Variants in ARNT2 observed in about 807,000 individuals in gnomAD.
The protein encoded by ARNT2 is ARNT protein 2.
In ARNT2, 36 loss-of-function variants were observed where a neutral mutation model predicts 91.7. The observed-to-expected ratio is 0.39, with a 90% CI of 0.30 to 0.52. The LOEUF (loss-of-function observed/expected upper bound fraction) is 0.52. ARNT2 is among the 20% of genes least tolerant of loss of function. The pLI is 0.72. For synonymous variants in ARNT2, 365 were observed against 347.1 expected, an observed-to-expected ratio of 1.05 and a Z score of -0.57; for missense variants, 775 against 939.3, an observed-to-expected ratio of 0.83 and a Z score of 2.29.
chr15:80,597,515 A>T lies in ARNT2; in HGVS notation c.*3817A>T. The T allele has an allele frequency of 3.2e-6, 1 of 316,468 alleles. No homozygotes were observed. Among genetic ancestry groups the T allele is most frequent in the South Asian group, 2.6e-5 (1 of 38,644 alleles). 19.6% of individuals were successfully genotyped at this position (316,468 alleles called of 1,614,324 possible). On this transcript the variant is annotated 3_prime_UTR_variant, in exon 19 of 19. Coordinates refer to ENST00000303329, the MANE Select transcript of ARNT2 (RefSeq NM_014862.4). ...ATCTGGAGTCTGGGGCAACTTAAGG[A>T]GGCACCACACAGTGGTGCAGGCACA...
intron 17 of ARNT2, among the ~76,000 whole-genome samples, chr15:80,583,967 G>A (rs151038607): frequency 5.9e-5 from 9 of 152,342 alleles, no homozygotes; most frequent in Admixed American, 2.6e-4. Context: ...AGAAATGAAG[G>A]ACTGAGAAGT....
intron 5 of ARNT2, among the ~76,000 whole-genome samples, chr15:80,485,566 AAAC>A (rs1481706112): frequency 2.0e-5 from 3 of 152,332 alleles, no homozygotes; most frequent in Admixed American, 6.5e-5. Flanking sequence ...CAACAAGAAC[AAAC>A]AATACAGAAT....
At chr15:80,560,800 G>A (rs576727021) in intron 11 of ARNT2, among the ~76,000 whole-genome samples, 16 of 152,208 alleles carry the variant, frequency 1.1e-4, no homozygotes, top group East Asian at 1.9e-4. Flanking sequence ...TGTTGGGGCC[G>A]CAGATGTGCC....
At chr15:80,556,608 G>GCCA (rs1302453185) in intron 11 of ARNT2, 2 of 152,552 alleles carry the variant, frequency 1.3e-5, no homozygotes, top group African/African-American at 4.8e-5. Context: ...CAAGAGGGTG[G>GCCA]CCACCTGAGT....
chr15:80,561,046 C>T (rs1287797876), intron 11 of ARNT2, among the ~76,000 whole-genome samples: 2 of 152,220 alleles, frequency 1.3e-5, no homozygotes, highest in African/African-American at 4.8e-5. Context: ...GGGAAGTGTG[C>T]TCTGAGAGCC....
intron 8 of ARNT2, among the ~76,000 whole-genome samples, chr15:80,550,446 TCTA>T (rs1898064039): frequency 6.6e-6 from 1 of 152,224 alleles, no homozygotes; most frequent in African/African-American, 2.4e-5. Flanking sequence ...AAGGAAATGT[TCTA>T]CTTAACAGCA....
At chr15:80,508,099 C>T in intron 5 of ARNT2, 57 bp from the exon 6 acceptor site, 1 of 1,560,172 alleles carries the variant, frequency 6.4e-7, no homozygotes, top group Non-Finnish European at 8.8e-7. Flanking sequence ...CGAACTCCCT[C>T]CTCCATCTCC....
chr15:80,552,680 C>T lies in ARNT2; in HGVS notation c.995C>T (p.Ser332Leu), dbSNP rs538898905. The T allele has an allele frequency of 1.1e-5, 18 of 1,614,060 alleles. No homozygotes were observed. Among genetic ancestry groups the T allele is most frequent in the South Asian group, 3.3e-5 (3 of 91,048 alleles). Reference protein sequence around the residue: ...SPVCMDMNGMSVPTEFLSRHN... With the variant: ...SPVCMDMNGMLVPTEFLSRHN... ...GTATGCATGGACATGAATGGGATGT[C>T]GGTGCCCACAGAGTTCTTATCCCGG... is the stretch of plus-strand genomic sequence containing the variant. The change falls in exon 10 of 19, where the codon TCG becomes TTG. Residue 332 changes from serine (S) to leucine (L), a missense_variant. Physicochemically the swap from Ser to Leu is moderately radical, Grantham distance 145. This residue lies in a region of ARNT2 where 285 missense variants were observed against 327.2 expected (regional missense o/e 0.87). Transcript: ENST00000303329.
At chr15:80,437,347 C>T (rs1317574602) in intron 1 of ARNT2, among the ~76,000 whole-genome samples, 3 of 152,208 alleles carry the variant, frequency 2.0e-5, no homozygotes, top group Non-Finnish European at 4.4e-5. Context: ...GTCTCACCCA[C>T]TCCATCTCTC....
chr15:80,543,175 GC>G, intron 8 of ARNT2, among the ~76,000 whole-genome samples: 1 of 150,120 alleles, frequency 6.7e-6, no homozygotes, highest in Admixed American at 6.7e-5. Context: ...ATGTTTACCA[GC>G]AACTGGGGAA....
intron 5 of ARNT2, among the ~76,000 whole-genome samples, chr15:80,506,457 G>A (rs1347076377): frequency 6.6e-6 from 1 of 152,238 alleles, no homozygotes; most frequent in Non-Finnish European, 1.5e-5. Context: ...GGGGATTCCG[G>A]TTAGACTCAA....
intron 1 of ARNT2, among the ~76,000 whole-genome samples, chr15:80,435,438 G>C (rs144008957): frequency 6.6e-6 from 1 of 152,166 alleles, no homozygotes; most frequent in East Asian, 1.9e-4. Context: ...GCTGCTGAGC[G>C]GAGGCTGCAT....
At chr15:80,482,729 T>C (rs527780060) in intron 5 of ARNT2, among the ~76,000 whole-genome samples, 1 of 152,080 alleles carries the variant, frequency 6.6e-6, no homozygotes, top group Non-Finnish European at 1.5e-5. Flanking sequence ...TGTAGTCTAG[T>C]GGAGCACTTC....
At chr15:80,520,142 C>T (rs756229780) in intron 8 of ARNT2, among the ~76,000 whole-genome samples, 17 of 151,770 alleles carry the variant, frequency 1.1e-4, no homozygotes, top group South Asian at 6.2e-4. Context: ...CTTTCACATG[C>T]GCAAAATAGA....
intron 5 of ARNT2, among the ~76,000 whole-genome samples, chr15:80,486,994 A>G (rs1896986008): frequency 6.6e-6 from 1 of 152,116 alleles, no homozygotes; most frequent in African/African-American, 2.4e-5. Context: ...CTCACCACTC[A>G]TCCATCTGGA....
At chr15:80,438,809 C>T (rs1395549337) in intron 1 of ARNT2, among the ~76,000 whole-genome samples, 3 of 152,286 alleles carry the variant, frequency 2.0e-5, no homozygotes, top group Non-Finnish European at 4.4e-5. Context: ...CCTGCCTCAG[C>T]CTCCCAAGTA....
intron 6 of ARNT2, among the ~76,000 whole-genome samples, chr15:80,508,804 G>C (rs1317669818): frequency 1.3e-5 from 2 of 152,160 alleles, no homozygotes; most frequent in Non-Finnish European, 2.9e-5. Flanking sequence ...ACATATATTT[G>C]ATTTGTACAT....
chr15:80,514,902 A>G (rs1259758277), intron 8 of ARNT2, among the ~76,000 whole-genome samples: 1 of 152,114 alleles, frequency 6.6e-6, no homozygotes, highest in Non-Finnish European at 1.5e-5. Context: ...ACAAACAAAC[A>G]AACAAAAAAC....
At chr15:80,566,786 T>A (rs1362572865) in intron 12 of ARNT2, among the ~76,000 whole-genome samples, 1 of 152,242 alleles carries the variant, frequency 6.6e-6, no homozygotes. Context: ...TTGGCTGACT[T>A]GATATTCTGA....
Sources: allele counts gnomAD v4.1 joint callset (sites outside exome capture counted in the v4.1 genomes callset), GRCh38; gene constraint gnomAD v4.1.1; regional missense constraint gnomAD v4.1.1; transcripts MANE v1.5; gene names NCBI Gene and HGNC (gene_info 2026-07-23, HGNC 2026-07-21).